The following MYRIP variants were observed in gnomAD, a reference collection of about 807,000 sequenced individuals.
MYRIP encodes the protein rab effector MyRIP.
A neutral mutation model predicts 98.0 loss-of-function variants in MYRIP; 49 were observed. That is an observed-to-expected ratio of 0.50 (90% CI 0.40 to 0.63). The LOEUF is 0.63. Among genes scored for constraint, MYRIP ranks in the 30% least tolerant of loss-of-function variants. The pLI is 0.00. For missense variants in MYRIP, 1,004 were observed against 1,058.2 expected (o/e 0.95, Z 0.71); for synonymous variants, 404 against 409.5 (o/e 0.99, Z 0.16).
chr3:40,150,605 A>G lies in MYRIP; in HGVS notation c.333-443A>G, dbSNP rs150989998. Among the ~76,000 whole-genome samples the G allele has an allele frequency of 9.8e-5, 15 of 152,372 alleles. No homozygotes were observed. The East Asian group carries it at 2.9e-3, about 29-fold the overall frequency. ...ATGCCCTGAAACTTCATGGTTTAAA[A>G]TGTCAAGCATTTATTGGCTTGCTCT... On this transcript the variant is annotated intron_variant, in intron 3 of 16. Transcript: ENST00000302541.
At chr3:40,079,074 G>C (rs950493463) in intron 3 of MYRIP, among the ~76,000 whole-genome samples, 31 of 152,200 alleles carry the variant, frequency 2.0e-4, no homozygotes, top group African/African-American at 6.0e-4. Context: ...ATTTAGCAGT[G>C]AAAACCCCAG....
chr3:40,118,420 G>A (rs551793419), intron 3 of MYRIP, among the ~76,000 whole-genome samples: 64 of 152,224 alleles, frequency 4.2e-4, no homozygotes, highest in Middle Eastern at 6.8e-3. Context: ...AAGCACTGAC[G>A]TAATAGCAGA....
intron 12 of MYRIP, chr3:40,238,686 C>G (rs1350403980): frequency 6.6e-6 from 1 of 152,148 alleles, no homozygotes; most frequent in Non-Finnish European, 1.5e-5. Context: ...AGGATCTCCC[C>G]AGGACCTCAG....
chr3:40,132,422 C>T (rs1242644852), intron 3 of MYRIP, among the ~76,000 whole-genome samples: 1 of 72,188 alleles, frequency 1.4e-5, no homozygotes, highest in Non-Finnish European at 3.5e-5. Context: ...TGCCACCTGC[C>T]CACCTGAGCT....
intron 2 of MYRIP, among the ~76,000 whole-genome samples, chr3:39,908,153 A>C (rs1354722193): frequency 6.6e-6 from 1 of 152,172 alleles, no homozygotes; most frequent in African/African-American, 2.4e-5. Context: ...GACTGGATGC[A>C]ATTATTTTCT....
chr3:40,153,238 A>G (rs1324995773), intron 4 of MYRIP, among the ~76,000 whole-genome samples: 1 of 152,246 alleles, frequency 6.6e-6, no homozygotes, highest in Non-Finnish European at 1.5e-5. Context: ...GAAGACAAGC[A>G]GACAGGAGAC....
At chr3:39,990,360 A>T (rs571234613) in intron 2 of MYRIP, among the ~76,000 whole-genome samples, 1 of 152,174 alleles carries the variant, frequency 6.6e-6, no homozygotes, top group South Asian at 2.1e-4. Context: ...CTGGTGCAGG[A>T]TTCGCATGCT....
intron 2 of MYRIP, among the ~76,000 whole-genome samples, chr3:40,016,246 T>C (rs921986613): frequency 6.6e-6 from 1 of 152,140 alleles, no homozygotes; most frequent in Non-Finnish European, 1.5e-5. Context: ...TCCTCTTGGC[T>C]ATTCCACATT....
At chr3:40,169,479 C>T (rs1348593361) in intron 7 of MYRIP, among the ~76,000 whole-genome samples, 2 of 152,212 alleles carry the variant, frequency 1.3e-5, no homozygotes, top group African/African-American at 4.8e-5. Flanking sequence ...TGTCTACACC[C>T]TTGATAGGGC....
At chr3:39,824,295 A>G (rs540151704) in intron 1 of MYRIP, among the ~76,000 whole-genome samples, 1 of 152,244 alleles carries the variant, frequency 6.6e-6, no homozygotes, top group South Asian at 2.1e-4. Flanking sequence ...TGATGTCTCC[A>G]GCATTGTTCT....
chr3:39,965,971 G>A (rs1945430688), intron 2 of MYRIP, among the ~76,000 whole-genome samples: 1 of 152,164 alleles, frequency 6.6e-6, no homozygotes, highest in South Asian at 2.1e-4. Flanking sequence ...TACACATTGT[G>A]AAAGTGAATG....
rs140881835 is a variant in MYRIP, at chr3:40,003,760, T to C, written c.111-40290T>C. Among the ~76,000 whole-genome samples, 1,343 of 152,334 alleles carry C rather than the reference T, an allele frequency of 8.8e-3. 20 individuals carry two copies. Among genetic ancestry groups the C allele is most frequent in the African/African-American group, 0.03 (1,234 of 41,568 alleles). ...CCACATTCATTTAGTATTGGGATGTTTGTATTCTTGCTTTTGTTTCCGAAA... is the reference window on the plus strand; with the variant it reads ...CCACATTCATTTAGTATTGGGATGTCTGTATTCTTGCTTTTGTTTCCGAAA... On this transcript the variant is annotated intron_variant, in intron 2 of 16. Transcript: ENST00000302541.
chr3:39,996,603 T>C (rs1228533610), intron 2 of MYRIP, among the ~76,000 whole-genome samples: 1 of 152,162 alleles, frequency 6.6e-6, no homozygotes, highest in Non-Finnish European at 1.5e-5. Flanking sequence ...AACACCCCAC[T>C]GTCAACATTA....
chr3:40,134,572 G>A (rs1374861139), intron 3 of MYRIP, among the ~76,000 whole-genome samples: 1 of 152,254 alleles, frequency 6.6e-6, no homozygotes, highest in Non-Finnish European at 1.5e-5. Flanking sequence ...TCTGAGAACA[G>A]GCAGACTGCC....
chr3:40,046,047 G>C (rs568330182), intron 3 of MYRIP, among the ~76,000 whole-genome samples: 5 of 152,118 alleles, frequency 3.3e-5, no homozygotes, highest in Non-Finnish European at 7.4e-5. Flanking sequence ...GGTGACCATG[G>C]GAAGAGGAGA....
chr3:39,880,676 C>G (rs1330978237), intron 1 of MYRIP, among the ~76,000 whole-genome samples: 1 of 152,080 alleles, frequency 6.6e-6, no homozygotes, highest in African/African-American at 2.4e-5. Flanking sequence ...CTTTCTAGCT[C>G]CTTAGGTCTG....
intron 2 of MYRIP, among the ~76,000 whole-genome samples, chr3:40,002,449 C>T (rs538470791): frequency 3.3e-5 from 5 of 152,038 alleles, no homozygotes; most frequent in East Asian, 3.9e-4. Flanking sequence ...GCAGGAGAAT[C>T]GCTTGAACCC....
intron 3 of MYRIP, among the ~76,000 whole-genome samples, chr3:40,118,098 C>T (rs1206592297): frequency 6.6e-6 from 1 of 152,132 alleles, no homozygotes; most frequent in Non-Finnish European, 1.5e-5. Context: ...ACACAAATGG[C>T]TCTTAAACAA....
chr3:40,034,617 T>G (rs1947335964), intron 2 of MYRIP, among the ~76,000 whole-genome samples: 1 of 149,988 alleles, frequency 6.7e-6, no homozygotes, highest in Admixed American at 6.6e-5. Flanking sequence ...ACTTTTACAC[T>G]GTTGGTGGGA....
Sources: gnomAD v4.1 joint callset for allele counts (sites outside exome capture counted in the v4.1 genomes callset) on GRCh38, gnomAD v4.1.1 for gene constraint, MANE v1.5 for transcripts, NCBI Gene and HGNC (gene_info 2026-07-23, HGNC 2026-07-21) for gene names.